The following DIAPH3 variants were observed in gnomAD, a reference collection of about 807,000 sequenced individuals.
The protein encoded by DIAPH3 is diaphanous related formin 3.
A neutral mutation model predicts 144.3 loss-of-function variants in DIAPH3; 117 were observed. That is an observed-to-expected ratio of 0.81 (90% confidence interval 0.70 to 0.95). DIAPH3 has a LOEUF of 0.95. DIAPH3 is among the 40% of genes least tolerant of loss of function. The pLI is 0.00. For synonymous variants in DIAPH3, 519 were observed against 488.9 expected (o/e 1.06, Z -0.81); for missense variants, 1,421 against 1,412.7 (o/e 1.01, Z -0.09).
intron 27 of DIAPH3, among the ~76,000 whole-genome samples, chr13:59,686,423 GAA>G (rs911791312): frequency 2.7e-5 from 4 of 150,330 alleles, no homozygotes; most frequent in Non-Finnish European, 5.9e-5. Flanking sequence ...CTCAAAAGAG[GAA>G]AAAAAATTCG....
At chr13:59,685,048 A>G (rs1284420077) in intron 27 of DIAPH3, among the ~76,000 whole-genome samples, 1 of 152,168 alleles carries the variant, frequency 6.6e-6, no homozygotes, top group Non-Finnish European at 1.5e-5. Context: ...GCATGGTAAC[A>G]GCAATACACT....
chr13:59,720,799 G>C (rs181746685), intron 27 of DIAPH3, among the ~76,000 whole-genome samples: 46 of 152,288 alleles, frequency 3.0e-4, no homozygotes, highest in Non-Finnish European at 5.9e-5. Context: ...AGTTATGTAA[G>C]CTAGTAAGCA....
chr13:59,828,894 C>T (rs1386588480), intron 24 of DIAPH3, among the ~76,000 whole-genome samples: 2 of 151,722 alleles, frequency 1.3e-5, no homozygotes, highest in East Asian at 3.9e-4. Flanking sequence ...AATTAATTCC[C>T]AGTTGAGAAT....
chr13:60,076,376 A>G (rs915025805), intron 4 of DIAPH3, among the ~76,000 whole-genome samples: 8 of 152,140 alleles, frequency 5.3e-5, no homozygotes, highest in African/African-American at 1.9e-4. Flanking sequence ...TGTGAACCTT[A>G]TCTTGTATAG....
intron 7 of DIAPH3, among the ~76,000 whole-genome samples, chr13:60,010,931 C>A (rs916281981): frequency 1.3e-5 from 2 of 151,666 alleles, no homozygotes; most frequent in African/African-American, 2.4e-5. Context: ...CATGGAGAAA[C>A]CCCCTCTCTA....
chr13:60,052,959 T>TAAAAAAAAAAAAAAAAAAA (rs559991017), intron 4 of DIAPH3, among the ~76,000 whole-genome samples: 32 of 40,634 alleles, frequency 7.9e-4, no homozygotes, highest in Middle Eastern at 0.024. Context: ...GACTCCCTCT[T>TAAAAAAAAAAAAAAAAAAA]AAAAAAAAAA....
intron 1 of DIAPH3, among the ~76,000 whole-genome samples, chr13:60,157,441 G>A (rs1952086025): frequency 6.6e-6 from 1 of 152,152 alleles, no homozygotes; most frequent in Admixed American, 6.5e-5. Flanking sequence ...AATTTCCACT[G>A]TGGTCTTTTT....
At chr13:59,700,918 A>C (rs2138749598) in intron 27 of DIAPH3, among the ~76,000 whole-genome samples, 1 of 152,302 alleles carries the variant, frequency 6.6e-6, no homozygotes. Flanking sequence ...TTATTATTTT[A>C]AGATAATTAG....
intron 22 of DIAPH3, among the ~76,000 whole-genome samples, chr13:59,842,967 T>G (rs998333246): frequency 2.0e-5 from 3 of 152,122 alleles, no homozygotes; most frequent in Admixed American, 6.6e-5. Context: ...CACTATTGAT[T>G]AAATCACTGG....
chr13:59,926,839 G>C (rs561290104), intron 17 of DIAPH3, among the ~76,000 whole-genome samples: 1 of 152,248 alleles, frequency 6.6e-6, no homozygotes, highest in African/African-American at 2.4e-5. Context: ...ATGTCTATTA[G>C]ATTCATTTGG....
chr13:59,959,167 C>T (rs2049594537), intron 17 of DIAPH3, among the ~76,000 whole-genome samples: 1 of 152,120 alleles, frequency 6.6e-6, no homozygotes, highest in Non-Finnish European at 1.5e-5. Context: ...TGAGCCACTG[C>T]ACCCAGTCTT....
At chr13:59,682,386 A>T (rs990495752) in intron 27 of DIAPH3, among the ~76,000 whole-genome samples, 1 of 152,184 alleles carries the variant, frequency 6.6e-6, no homozygotes, top group Non-Finnish European at 1.5e-5. Context: ...CAGTGGCACC[A>T]TTATAGCTCA....
intron 27 of DIAPH3, among the ~76,000 whole-genome samples, chr13:59,732,098 A>T (rs1426807895): frequency 6.6e-6 from 1 of 152,140 alleles, no homozygotes; most frequent in Non-Finnish European, 1.5e-5. Context: ...TCATTGTTCC[A>T]TAAGATTTGG....
intron 25 of DIAPH3, among the ~76,000 whole-genome samples, chr13:59,795,287 G>A (rs1470091260): frequency 6.6e-6 from 1 of 152,112 alleles, no homozygotes; most frequent in Admixed American, 6.6e-5. Flanking sequence ...CAGTAGATAG[G>A]CTGATAATAT....
At chr13:59,972,937 A>T (rs2050473890) in intron 15 of DIAPH3, among the ~76,000 whole-genome samples, 1 of 152,226 alleles carries the variant, frequency 6.6e-6, no homozygotes, top group African/African-American at 2.4e-5. Flanking sequence ...AGCTTTGAAC[A>T]AAAAGAAGGA....
chr13:59,774,599 G>C, intron 26 of DIAPH3, 129 bp downstream of exon 26: 1 of 897,068 alleles, frequency 1.1e-6, no homozygotes, highest in Non-Finnish European at 1.8e-6. Flanking sequence ...GCAAACTTAT[G>C]AAACTTCTGA....
At chr13:59,828,644 A>AC (rs2041595706) in intron 24 of DIAPH3, among the ~76,000 whole-genome samples, 1 of 151,062 alleles carries the variant, frequency 6.6e-6, no homozygotes. Context: ...AAAAAAAAAA[A>AC]AAACACTGAA....
At position 59,968,989 on chromosome 13, in the gene DIAPH3, G is replaced by A. The variant is rs1350768239; in HGVS notation, c.2074+955C>T. The stretch of plus-strand genomic sequence containing the variant: ...GTTCTATGAGCCCAGGGATATAGGT[G>A]GCATAAGTCTATAGTGAAAAATTTC... On this transcript the variant is annotated intron_variant, in intron 17 of 27. Coordinates refer to ENST00000400324, the MANE Select transcript of DIAPH3 (RefSeq NM_001042517.2). Among the ~76,000 whole-genome samples, 4 of 152,140 alleles carry A rather than the reference G, an allele frequency of 2.6e-5. No homozygotes were observed. The East Asian group carries it at 5.8e-4, about 22-fold the overall frequency.
Position 60,088,035 on chromosome 13 carries a change from T to G in DIAPH3, c.495+5593A>C, listed in dbSNP as rs111874229. On this transcript the variant is annotated intron_variant, in intron 4 of 27. Coordinates refer to ENST00000400324, the MANE Select transcript of DIAPH3 (RefSeq NM_001042517.2). Reference sequence around the variant, plus strand: ...GTTCAAAGAGAAATGTTTAAAGCATTTTATCTAAACCTAATGGTACAGCCA... The same window carrying G: ...GTTCAAAGAGAAATGTTTAAAGCATGTTATCTAAACCTAATGGTACAGCCA... Among the ~76,000 whole-genome samples the G allele has an allele frequency of 2.6e-3, 395 of 152,238 alleles. 1 individual carries two copies. The highest frequency in any genetic ancestry group is 8.9e-3 in the African/African-American group (371 of 41,542).
Sources: gnomAD v4.1 joint callset for allele counts (sites outside exome capture counted in the v4.1 genomes callset) on GRCh38, gnomAD v4.1.1 for gene constraint, MANE v1.5 for transcripts, NCBI Gene and HGNC (gene_info 2026-07-23, HGNC 2026-07-21) for gene names.